TSPAN8: variants seen among roughly 807,000 people sequenced by gnomAD.
The protein encoded by TSPAN8 is tetraspanin 8.
TSPAN8 carries 21 observed loss-of-function variants against 32.8 expected under a neutral mutation model. The observed-to-expected ratio is 0.64, with a 90% confidence interval of 0.45 to 0.92. The LOEUF (loss-of-function observed/expected upper bound fraction) is 0.92, where lower values mean the gene tolerates loss of function less well. Ranked by LOEUF, TSPAN8 falls within the 40% of genes least tolerant of loss-of-function variation. The probability of loss-of-function intolerance (pLI) is 0.00; values close to 1 mark genes in which losing one functional copy is unlikely to be tolerated. For missense variants in TSPAN8, 269 were observed against 281.9 expected (o/e 0.95, Z 0.33); for synonymous variants, 95 against 94.6 (o/e 1.00, Z -0.03).
chr12:71,154,311 AAATAATAATAATAATAATAAT>A (rs58976021), intron 2 of TSPAN8, among the ~76,000 whole-genome samples: 1 of 137,232 alleles, frequency 7.3e-6, no homozygotes, highest in African/African-American at 2.7e-5. Flanking sequence ...CTCTGTCTCA[AAATAATAATAATAATAATAAT>A]AATAATAATA....
At chr12:71,142,115 C>T (rs1426743668) in intron 3 of TSPAN8, among the ~76,000 whole-genome samples, 1 of 152,194 alleles carries the variant, frequency 6.6e-6, no homozygotes, top group Non-Finnish European at 1.5e-5. Context: ...CAGCTCTTTG[C>T]TCTGTCTTGA....
intron 3 of TSPAN8, among the ~76,000 whole-genome samples, chr12:71,142,103 T>A (rs1291172310): frequency 6.6e-6 from 1 of 152,222 alleles, no homozygotes; most frequent in Non-Finnish European, 1.5e-5. Flanking sequence ...TAACAAAAAA[T>A]TCAGCTCTTT....
At chr12:71,139,062 T>C in intron 4 of TSPAN8, 1 of 455,144 alleles carries the variant, frequency 2.2e-6, no homozygotes, top group South Asian at 1.6e-5. Context: ...TCCTCAATGC[T>C]CTCTAAGAGA....
At chr12:71,132,940 T>C (rs1871567654) in intron 6 of TSPAN8, 116 bp from the exon 7 acceptor site, 4 of 1,206,166 alleles carry the variant, frequency 3.3e-6, no homozygotes, top group East Asian at 2.6e-5. Context: ...TAAAATACCA[T>C]GTAAGTCACC....
At chr12:71,156,131 G>T (rs1488329822) in intron 2 of TSPAN8, among the ~76,000 whole-genome samples, 1 of 151,750 alleles carries the variant, frequency 6.6e-6, no homozygotes, top group Admixed American at 6.6e-5. Flanking sequence ...ATAATATGGG[G>T]TGGGGGAAGT....
Position 71,157,773 on chromosome 12 carries a change from T to G in TSPAN8, c.-95A>C. 1.1e-6 allele frequency: 1 copy of G among 911,614 alleles called. No individual in the cohort carries two copies. The highest frequency in any genetic ancestry group is 1.8e-6 in the Non-Finnish European group (1 of 555,922). 56.5% of individuals were successfully genotyped at this position (911,614 alleles called of 1,614,324 possible). On this transcript the variant is annotated 5_prime_UTR_variant, in exon 2 of 9. Transcript: ENST00000247829. Reference sequence around the variant, plus strand: ...CTCTGGAGCAACTTGCCTGCAGAGATTTCTGTATCCACGGCTTCAGAGCAG... The same window carrying G: ...CTCTGGAGCAACTTGCCTGCAGAGAGTTCTGTATCCACGGCTTCAGAGCAG...
intron 7 of TSPAN8, among the ~76,000 whole-genome samples, chr12:71,131,977 C>T (rs918842240): frequency 5.3e-5 from 8 of 152,082 alleles, no homozygotes; most frequent in African/African-American, 1.4e-4. Context: ...AATGAATTCC[C>T]GGTGACTGGT....
intron 2 of TSPAN8, among the ~76,000 whole-genome samples, chr12:71,145,846 G>A (rs934037126): frequency 2.0e-5 from 3 of 152,136 alleles, no homozygotes; most frequent in African/African-American, 7.2e-5. Context: ...GCCTTCATCT[G>A]TAACTAATGA....
At chr12:71,140,122 C>G (rs1260491523) in intron 3 of TSPAN8, among the ~76,000 whole-genome samples, 7 of 152,126 alleles carry the variant, frequency 4.6e-5, no homozygotes, top group Non-Finnish European at 1.0e-4. Context: ...AGGACAGTTA[C>G]TTTTACTCTT....
At chr12:71,156,140 G>C (rs1872421315) in intron 2 of TSPAN8, among the ~76,000 whole-genome samples, 2 of 151,486 alleles carry the variant, frequency 1.3e-5, no homozygotes, top group South Asian at 4.2e-4. Flanking sequence ...GGTGGGGGAA[G>C]TGAATACAGT....
intron 4 of TSPAN8, among the ~76,000 whole-genome samples, chr12:71,138,733 T>C (rs989865778): frequency 6.6e-6 from 1 of 152,166 alleles, no homozygotes; most frequent in Admixed American, 6.5e-5. Flanking sequence ...TTAAACAAGC[T>C]CCTTGAGTAA....
chr12:71,142,622 C>T lies in TSPAN8; in HGVS notation c.123+1529G>A, dbSNP rs114180453. ...CTCACACACCAGAGCTCCAGGCCAT[C>T]AGGAAGTCACAGTTATGGTTATCAG... On this transcript the variant is annotated intron_variant, in intron 3 of 8. Transcript: ENST00000247829. 6.4e-3 allele frequency among the ~76,000 whole-genome samples: 973 copies of T among 152,144 alleles called. 13 individuals are homozygous for T. Among genetic ancestry groups the T allele is most frequent in the African/African-American group, 0.022 (904 of 41,502 alleles).
At chr12:71,146,994 G>C (rs1263854537) in intron 2 of TSPAN8, among the ~76,000 whole-genome samples, 1 of 152,136 alleles carries the variant, frequency 6.6e-6, no homozygotes, top group Non-Finnish European at 1.5e-5. Flanking sequence ...CCCAGGGAAA[G>C]GACATGTGAG....
intron 2 of TSPAN8, among the ~76,000 whole-genome samples, chr12:71,149,094 A>G (rs1353919300): frequency 1.3e-5 from 2 of 152,170 alleles, no homozygotes; most frequent in Admixed American, 6.5e-5. Context: ...AGATGAGACC[A>G]ATTCTGATTT....
chr12:71,125,272 T>C lies in TSPAN8; in HGVS notation c.*62A>G. The C allele has an allele frequency of 6.7e-7, 1 of 1,483,492 alleles. No individual in the cohort carries two copies. The highest frequency in any genetic ancestry group is 9.2e-7 in the Non-Finnish European group (1 of 1,081,764). The allele number at this position is 1,483,492 out of a possible 1,614,324, so 91.9% of individuals were successfully genotyped here. A position where few individuals can be genotyped will look rare whatever the true frequency, so the allele number is the denominator to read the frequency against. On this transcript the variant is annotated 3_prime_UTR_variant, in exon 9 of 9. Transcript: ENST00000247829. ...TATATAGCACTTACATATTTAAATT[T>C]ACAAAGCCAAAGCAACATTTTAAAG...
intron 2 of TSPAN8, among the ~76,000 whole-genome samples, chr12:71,153,097 C>G (rs1273131496): frequency 6.6e-6 from 1 of 152,124 alleles, no homozygotes; most frequent in Non-Finnish European, 1.5e-5. Context: ...CTCTATAGCT[C>G]TCTGTCTCTG....
At chr12:71,128,003 A>C (rs1871397449) in intron 8 of TSPAN8, among the ~76,000 whole-genome samples, 1 of 152,304 alleles carries the variant, frequency 6.6e-6, no homozygotes, top group East Asian at 1.9e-4. Context: ...CATGGCCATT[A>C]GTCCTTATTT....
rs763217771 is a variant in TSPAN8 at position 71,156,250 on chromosome 12, C to CAAA, written c.60+1366_60+1368dup. 3.4e-3 allele frequency among the ~76,000 whole-genome samples: 83 copies of CAAA among 24,350 alleles called. 3 individuals are homozygous for CAAA. Among genetic ancestry groups the CAAA allele is most frequent in the African/African-American group, 0.015 (66 of 4,310 alleles). The allele number at this position is 24,350 out of a possible 152,430, so 16.0% of individuals were successfully genotyped here. A position where few individuals can be genotyped will look rare whatever the true frequency, so the allele number is the denominator to read the frequency against. ...TCTTTAGTGAATATTCAAAGTTCTC[C>CAAA]AAAAAAAAAAAAAAAAAACAAACAA... On this transcript the variant is annotated intron_variant, in intron 2 of 8. Transcript: ENST00000247829.
chr12:71,126,000 C>G (rs939421267), intron 8 of TSPAN8, among the ~76,000 whole-genome samples: 12 of 152,228 alleles, frequency 7.9e-5, no homozygotes, highest in African/African-American at 2.9e-4. Flanking sequence ...AAGTAGCTCT[C>G]CCAAGAATGA....
Sources: gnomAD v4.1 joint callset for allele counts (sites outside exome capture counted in the v4.1 genomes callset) on GRCh38, gnomAD v4.1.1 for gene constraint, MANE v1.5 for transcripts, NCBI Gene and HGNC (gene_info 2026-07-23, HGNC 2026-07-21) for gene names.